The following PCDHGA1 variants were observed in gnomAD, a reference collection of about 807,000 sequenced individuals.
PCDHGA1 encodes protocadherin gamma subfamily A, 1.
A neutral mutation model predicts 58.0 loss-of-function variants in PCDHGA1; 32 were observed. That is an observed-to-expected ratio of 0.55 (90% CI 0.42 to 0.74). The LOEUF (loss-of-function observed/expected upper bound fraction) is 0.74. Ranked by LOEUF, PCDHGA1 falls within the 30% of genes least tolerant of loss-of-function variation. The pLI is 0.00. For missense variants in PCDHGA1, 1,205 were observed against 1,182.3 expected (o/e 1.02, Z -0.28); for synonymous variants, 498 against 501.1 (o/e 0.99, Z 0.08).
chr5:141,424,434 T>C (rs2096821185), intron 1 of PCDHGA1: 1 of 151,048 alleles, frequency 6.6e-6, no homozygotes, highest in Admixed American at 6.6e-5. Flanking sequence ...GAGGAAATAA[T>C]TGAATTATTG....
At chr5:141,448,449 T>C (rs528049717) in intron 1 of PCDHGA1, among the ~76,000 whole-genome samples, 1 of 152,284 alleles carries the variant, frequency 6.6e-6, no homozygotes, top group South Asian at 2.1e-4. Context: ...CTGACTTCCA[T>C]CCCTATCCTA....
intron 1 of PCDHGA1, chr5:141,403,257 G>A: frequency 6.2e-7 from 1 of 1,613,902 alleles, no homozygotes; most frequent in Non-Finnish European, 8.5e-7. Flanking sequence ...AGCCCGCGGT[G>A]TCTGGTGAAC....
At chr5:141,428,437 C>A in intron 1 of PCDHGA1, 1 of 400,386 alleles carries the variant, frequency 2.5e-6, no homozygotes, top group South Asian at 2.4e-5. Flanking sequence ...TAAGACTAGA[C>A]CAGGGGTTTT....
intron 1 of PCDHGA1, chr5:141,417,843 G>C: frequency 6.5e-7 from 1 of 1,539,250 alleles, no homozygotes; most frequent in Non-Finnish European, 8.8e-7. Context: ...GGGACCCAGC[G>C]AGAACCCGAG....
chr5:141,481,658 T>C (rs910422064), intron 1 of PCDHGA1, among the ~76,000 whole-genome samples: 2 of 150,554 alleles, frequency 1.3e-5, no homozygotes, highest in East Asian at 2.0e-4. Context: ...TCTCTACTAA[T>C]AATACAAAAA....
chr5:141,388,583 T>G, intron 1 of PCDHGA1: 1 of 1,613,894 alleles, frequency 6.2e-7, no homozygotes, highest in Non-Finnish European at 8.5e-7. Flanking sequence ...TTCTAGTGAC[T>G]GATGCCAATG....
In PCDHGA1 at chr5:141,476,466, A is replaced by C. The variant is rs771760524; in HGVS notation, c.2422-18341A>C. The C allele has an allele frequency of 6.2e-7, 1 of 1,613,996 alleles. No individual in the cohort carries two copies. Reference sequence around the variant, plus strand: ...GAGTTGGTAGTGGAGAACCCGCTGGAGCTGTTCAGCGTGGAAGTGGTGATC... The same window carrying C: ...GAGTTGGTAGTGGAGAACCCGCTGGCGCTGTTCAGCGTGGAAGTGGTGATC... On this transcript the variant is annotated intron_variant, in intron 1 of 3. Transcript: ENST00000517417. This position sits in a 1 kb window ranked among gnomAD's most constrained non-coding sequence, Gnocchi z 7.6.
At chr5:141,496,076 C>A (rs2099765713) in intron 2 of PCDHGA1, among the ~76,000 whole-genome samples, 1 of 152,010 alleles carries the variant, frequency 6.6e-6, no homozygotes, top group Non-Finnish European at 1.5e-5. Context: ...GCACACACAA[C>A]CCCCCACCCA....
chr5:141,338,527 T>A (rs1232320152), intron 1 of PCDHGA1, among the ~76,000 whole-genome samples: 1 of 152,228 alleles, frequency 6.6e-6, no homozygotes, highest in Non-Finnish European at 1.5e-5. Context: ...GCAACTATTA[T>A]CAAGATCATG....
chr5:141,426,643 T>C (rs1280631056), intron 1 of PCDHGA1: 1 of 411,758 alleles, frequency 2.4e-6, no homozygotes, highest in Non-Finnish European at 5.0e-6. Flanking sequence ...CACATAAATG[T>C]GATGATAGAA....
intron 1 of PCDHGA1, among the ~76,000 whole-genome samples, chr5:141,373,736 A>G (rs1260777730): frequency 6.6e-6 from 1 of 152,226 alleles, no homozygotes. Flanking sequence ...TAAATGCTTC[A>G]TTATCTTGGG....
At chr5:141,372,782 G>A (rs761699184) in intron 1 of PCDHGA1, 19 of 1,608,122 alleles carry the variant, frequency 1.2e-5, no homozygotes, top group African/African-American at 5.3e-5. Flanking sequence ...ATCCAGAAAT[G>A]CCTTCTAATT....
chr5:141,507,810 G>A (rs550331241), intron 3 of PCDHGA1, among the ~76,000 whole-genome samples: 1 of 152,290 alleles, frequency 6.6e-6, no homozygotes, highest in African/African-American at 2.4e-5. Context: ...CCTGGGGAAC[G>A]GACCCTGGGG....
rs2233607 is a variant in PCDHGA1 at position 141,490,647 on chromosome 5, G to A, written c.2422-4160G>A. The A allele has an allele frequency of 2.5e-3, 3,973 of 1,614,082 alleles. 41 individuals carry two copies. The African/African-American group carries it at 0.027, about 11-fold the overall frequency. ...CTTACATCCTAGAAAACCGGCCTCC[G>A]GGCTCCCTTCTTTGCACTGTGGCTG... is the stretch of plus-strand genomic sequence containing the variant. On this transcript the variant is annotated intron_variant, in intron 1 of 3. Transcript: ENST00000517417. The surrounding 1 kb of genome is among the most constrained non-coding windows in gnomAD (Gnocchi z 5.4).
chr5:141,404,965 C>A, intron 1 of PCDHGA1: 1 of 1,614,030 alleles, frequency 6.2e-7, no homozygotes, highest in Non-Finnish European at 8.5e-7. Context: ...TCCCAGACAT[C>A]CTGGCTGACC....
At position 141,421,233 on chromosome 5, in the gene PCDHGA1, G is replaced by A. The variant is rs201076931; in HGVS notation, c.2422-73574G>A. Reference sequence around the variant, plus strand: ...ATATCGGCTTAGAGCCTGCCATGGCGAATCGGCTACAGCGCGGGGACCGCA... The same window carrying A: ...ATATCGGCTTAGAGCCTGCCATGGCAAATCGGCTACAGCGCGGGGACCGCA... On this transcript the variant is annotated intron_variant, in intron 1 of 3. Coordinates refer to ENST00000517417, the MANE Select transcript of PCDHGA1 (RefSeq NM_018912.3). 1.4e-3 allele frequency: 2,185 copies of A among 1,592,236 alleles called. 58 individuals are homozygous for A. In the South Asian group the frequency reaches 0.024, roughly 17 times the overall value.
At chr5:141,388,991 C>G in intron 1 of PCDHGA1, 1 of 1,613,976 alleles carries the variant, frequency 6.2e-7, no homozygotes. Flanking sequence ...TGCTCAAAGT[C>G]CGTGACAAGG....
intron 1 of PCDHGA1, chr5:141,385,096 G>T (rs746092295): frequency 6.2e-7 from 1 of 1,614,190 alleles, no homozygotes; most frequent in Non-Finnish European, 8.5e-7. Context: ...AGGTGGCTTG[G>T]CGAACGTGCC....
In PCDHGA1 at chr5:141,375,141, G is replaced by A. The variant is rs745587842; in HGVS notation, c.2421+42036G>A. Reference sequence around the variant, plus strand: ...CCAGAAGTGGTTGTTACATCTGGAAGCAGAACAATTGCTGAAAGTGCACCT... The same window carrying A: ...CCAGAAGTGGTTGTTACATCTGGAAACAGAACAATTGCTGAAAGTGCACCT... On this transcript the variant is annotated intron_variant, in intron 1 of 3. Transcript: ENST00000517417. The A allele has an allele frequency of 1.9e-6, 3 of 1,613,962 alleles. No individual in the cohort carries two copies. Among genetic ancestry groups the A allele is most frequent in the Admixed American group, 1.7e-5 (1 of 60,032 alleles).
Sources: allele counts gnomAD v4.1 joint callset (sites outside exome capture counted in the v4.1 genomes callset), GRCh38; gene constraint gnomAD v4.1.1; non-coding constraint Gnocchi (gnomAD v3.1); transcripts MANE v1.5; gene names NCBI Gene and HGNC (gene_info 2026-07-23, HGNC 2026-07-21).